Variants in SLC39A11 observed in about 807,000 individuals in gnomAD.
The protein encoded by SLC39A11 is solute carrier family 39 member 11.
In SLC39A11, 33 loss-of-function variants were observed where a neutral mutation model predicts 36.1. That is an observed-to-expected ratio of 0.91 (90% CI 0.69 to 1.22). The LOEUF is 1.22. SLC39A11 is among the 50% of genes most tolerant of loss of function. The pLI is 0.00. For synonymous variants in SLC39A11, 166 were observed against 170.3 expected (o/e 0.97, Z 0.20); for missense variants, 432 against 430.3 (o/e 1.00, Z -0.03).
chr17:72,906,365 AC>A (rs1436985761), intron 5 of SLC39A11, among the ~76,000 whole-genome samples: 1 of 152,266 alleles, frequency 6.6e-6, no homozygotes, highest in East Asian at 1.9e-4. Flanking sequence ...CGTGGGCACC[AC>A]GGGTGAGAAG....
chr17:72,832,196 A>AT (rs898223308), intron 6 of SLC39A11, among the ~76,000 whole-genome samples: 3 of 152,318 alleles, frequency 2.0e-5, no homozygotes, highest in African/African-American at 7.2e-5. Context: ...AGGGCAGGTA[A>AT]TACCCAAAAC....
intron 5 of SLC39A11, among the ~76,000 whole-genome samples, chr17:72,902,728 T>C (rs2082455402): frequency 6.6e-6 from 1 of 152,158 alleles, no homozygotes; most frequent in African/African-American, 2.4e-5. Flanking sequence ...AACATGCAGC[T>C]GGTGGAGGTA....
intron 6 of SLC39A11, among the ~76,000 whole-genome samples, chr17:72,814,209 G>A (rs934163735): frequency 2.0e-5 from 3 of 152,188 alleles, no homozygotes; most frequent in Non-Finnish European, 2.9e-5. Context: ...ATACTGGACC[G>A]TGCAGATACT....
At chr17:73,008,493 C>T (rs2148474829) in intron 4 of SLC39A11, among the ~76,000 whole-genome samples, 1 of 152,312 alleles carries the variant, frequency 6.6e-6, no homozygotes, top group South Asian at 2.1e-4. Context: ...ACACATGTGG[C>T]TCCAGCAAGC....
At chr17:72,674,702 A>G (rs2071176291) in intron 7 of SLC39A11, among the ~76,000 whole-genome samples, 1 of 152,214 alleles carries the variant, frequency 6.6e-6, no homozygotes, top group Admixed American at 6.5e-5. Flanking sequence ...CTCATCACAG[A>G]GTATAATTTC....
intron 5 of SLC39A11, among the ~76,000 whole-genome samples, chr17:72,866,502 C>T (rs764807020): frequency 1.1e-4 from 16 of 152,146 alleles, no homozygotes; most frequent in Non-Finnish European, 1.9e-4. Context: ...TTGTTTTCCA[C>T]GAGACAAGTG....
chr17:72,911,458 A>G (rs2082992394), intron 5 of SLC39A11, among the ~76,000 whole-genome samples: 1 of 151,802 alleles, frequency 6.6e-6, no homozygotes. Flanking sequence ...CTCTTTTTAC[A>G]CATCTCGTGG....
At chr17:72,741,747 G>A (rs749878508) in intron 6 of SLC39A11, among the ~76,000 whole-genome samples, 2 of 152,212 alleles carry the variant, frequency 1.3e-5, no homozygotes, top group African/African-American at 4.8e-5. Flanking sequence ...AGAGACACAG[G>A]TGGGTTCTGA....
chr17:72,738,941 A>C (rs1207413061), intron 6 of SLC39A11, among the ~76,000 whole-genome samples: 1 of 152,156 alleles, frequency 6.6e-6, no homozygotes, highest in Non-Finnish European at 1.5e-5. Flanking sequence ...TCCCATGTTC[A>C]GGTGAAAGTG....
At chr17:73,068,467 C>T (rs924727329) in intron 3 of SLC39A11, among the ~76,000 whole-genome samples, 2 of 152,194 alleles carry the variant, frequency 1.3e-5, no homozygotes, top group African/African-American at 4.8e-5. Context: ...CACCCCAACA[C>T]ATGCAGATTC....
At position 72,893,746 on chromosome 17, in the gene SLC39A11, G is replaced by A. The variant is rs186437662; in HGVS notation, c.431-43942C>T. Reference sequence around the variant, plus strand: ...AAAAGAAGATCTGGTTCTTGACCATGATAATGTCACTATTCTAATAGGGTC... The same window carrying A: ...AAAAGAAGATCTGGTTCTTGACCATAATAATGTCACTATTCTAATAGGGTC... On this transcript the variant is annotated intron_variant, in intron 5 of 9. Coordinates refer to ENST00000255559, the MANE Select transcript of SLC39A11 (RefSeq NM_139177.4). Among the ~76,000 whole-genome samples, 12 of 152,254 alleles carry A rather than the reference G, an allele frequency of 7.9e-5. No homozygotes were observed. The East Asian group carries it at 2.3e-3, about 29-fold the overall frequency.
intron 5 of SLC39A11, among the ~76,000 whole-genome samples, chr17:72,879,606 C>T (rs1044953984): frequency 1.3e-5 from 2 of 152,156 alleles, no homozygotes; most frequent in Non-Finnish European, 2.9e-5. Flanking sequence ...GTTACTAAAA[C>T]CACCCTCACA....
intron 6 of SLC39A11, among the ~76,000 whole-genome samples, chr17:72,820,586 A>T (rs1449054434): frequency 1.3e-5 from 2 of 151,288 alleles, no homozygotes; most frequent in Non-Finnish European, 3.0e-5. Context: ...GTCCCCAAAG[A>T]GCCCATGCTC....
At chr17:72,768,122 A>C (rs375825934) in intron 6 of SLC39A11, among the ~76,000 whole-genome samples, 1 of 152,086 alleles carries the variant, frequency 6.6e-6, no homozygotes, top group Non-Finnish European at 1.5e-5. Context: ...TATGGGTTTC[A>C]GACATGCAAA....
chr17:72,709,094 C>T (rs960919278), intron 7 of SLC39A11, among the ~76,000 whole-genome samples: 3 of 152,134 alleles, frequency 2.0e-5, no homozygotes, highest in South Asian at 2.1e-4. Context: ...TGCCACCACA[C>T]CCAGCTAATT....
intron 7 of SLC39A11, among the ~76,000 whole-genome samples, chr17:72,679,098 T>C (rs980122378): frequency 4.6e-5 from 7 of 152,128 alleles, no homozygotes; most frequent in African/African-American, 1.7e-4. Flanking sequence ...AGTAGAATGG[T>C]GGCTACCAGA....
At position 72,787,253 on chromosome 17, in the gene SLC39A11, C is replaced by T. The variant is rs1012281043; in HGVS notation, c.602-50534G>A. Among the ~76,000 whole-genome samples the T allele has an allele frequency of 3.9e-4, 31 of 80,508 alleles. No individual in the cohort carries two copies. In the East Asian group the frequency reaches 6.3e-3, roughly 16 times the overall value. 52.8% of individuals were successfully genotyped at this position (80,508 alleles called of 152,430 possible). A position where few individuals can be genotyped will look rare whatever the true frequency, so the allele number is the denominator to read the frequency against. ...TCACTTTGACTGCTATAACCCATGG[C>T]TTTTTTTTTTTTTTTTTTTTTTGAG... On this transcript the variant is annotated intron_variant, in intron 6 of 9. Coordinates refer to ENST00000255559, the MANE Select transcript of SLC39A11 (RefSeq NM_139177.4).
rs529649101 is a variant in SLC39A11 at position 72,840,584 on chromosome 17, C to T, written c.601+9050G>A. The stretch of plus-strand genomic sequence containing the variant: ...GACCAGCCTGGCCAACATGGCAAAA[C>T]CCCGCCTCTACTAAAAGTACAAAAA... On this transcript the variant is annotated intron_variant, in intron 6 of 9. Coordinates refer to ENST00000255559, the MANE Select transcript of SLC39A11 (RefSeq NM_139177.4). 9.1e-4 allele frequency among the ~76,000 whole-genome samples: 139 copies of T among 152,304 alleles called. 2 individuals are homozygous for T. Among genetic ancestry groups the T allele is most frequent in the Admixed American group, 1.6e-3 (24 of 15,300 alleles).
chr17:72,745,331 G>C (rs1023407171), intron 6 of SLC39A11, among the ~76,000 whole-genome samples: 2 of 152,192 alleles, frequency 1.3e-5, no homozygotes, highest in East Asian at 3.9e-4. Context: ...TTCTCTTCCT[G>C]CCAGACTATG....
Sources: allele counts gnomAD v4.1 joint callset (sites outside exome capture counted in the v4.1 genomes callset), GRCh38; gene constraint gnomAD v4.1.1; transcripts MANE v1.5; gene names NCBI Gene and HGNC (gene_info 2026-07-23, HGNC 2026-07-21).